ITGB6: variants seen among roughly 807,000 people sequenced by gnomAD.
ITGB6 encodes integrin subunit beta 6, also known as integrin beta-6.
A neutral mutation model predicts 84.5 loss-of-function variants in ITGB6; 80 were observed. The observed-to-expected ratio is 0.95, with a 90% CI of 0.79 to 1.14. The LOEUF (loss-of-function observed/expected upper bound fraction) is 1.14, where lower values mean the gene tolerates loss of function less well. Among genes scored for constraint, ITGB6 ranks in the 50% most tolerant of loss-of-function variants. ITGB6 has a pLI of 0.00. For synonymous variants in ITGB6, 383 were observed against 354.9 expected, an observed-to-expected ratio of 1.08 and a Z score of -0.89; for missense variants, 1,006 against 968.0, an observed-to-expected ratio of 1.04 and a Z score of -0.52.
intron 8 of ITGB6, 41 bp downstream of exon 8, chr2:160,141,941 C>A (rs369702005): frequency 6.2e-6 from 8 of 1,281,608 alleles, no homozygotes; most frequent in Non-Finnish European, 9.0e-6. Context: ...TTTTGAATAC[C>A]AAAGAAATGC....
At position 160,169,314 on chromosome 2, in the gene ITGB6, T is replaced by A; in HGVS notation, c.922-7A>T. The A allele has an allele frequency of 6.9e-7, 1 of 1,448,470 alleles. No homozygotes were observed. The highest frequency in any genetic ancestry group is 9.6e-7 in the Non-Finnish European group (1 of 1,045,212). The allele number at this position is 1,448,470 out of a possible 1,614,324, so 89.7% of individuals were successfully genotyped here. On this transcript the variant is annotated splice_polypyrimidine_tract_variant and splice_region_variant and intron_variant, in intron 6 of 14. Transcript: ENST00000283249. ...GTCCAATTGTTGGATATTCCTAAAA[T>A]TAACATATATAATTTTGCATCATCT...
intron 7 of ITGB6, among the ~76,000 whole-genome samples, chr2:160,152,408 T>G (rs1055626723): frequency 6.6e-6 from 1 of 152,182 alleles, no homozygotes; most frequent in African/African-American, 2.4e-5. Flanking sequence ...CCCTTCATGC[T>G]AAAAACTCTC....
intron 7 of ITGB6, among the ~76,000 whole-genome samples, chr2:160,153,881 A>T (rs1329881087): frequency 6.6e-6 from 1 of 152,230 alleles, no homozygotes. Flanking sequence ...AACCACAATG[A>T]GATACCATCT....
At chr2:160,186,706 G>A (rs994061091) in intron 4 of ITGB6, among the ~76,000 whole-genome samples, 1 of 152,074 alleles carries the variant, frequency 6.6e-6, no homozygotes, top group Non-Finnish European at 1.5e-5. Context: ...CAAACACTTG[G>A]AACCAACCCA....
At chr2:160,119,463 A>T (rs895140487) in intron 12 of ITGB6, among the ~76,000 whole-genome samples, 1 of 152,178 alleles carries the variant, frequency 6.6e-6, no homozygotes, top group Middle Eastern at 3.4e-3. Flanking sequence ...GGCTAGCCAT[A>T]TGTAGAAAGC....
intron 6 of ITGB6, among the ~76,000 whole-genome samples, chr2:160,171,968 C>T (rs1685222217): frequency 1.3e-5 from 2 of 152,184 alleles, no homozygotes; most frequent in South Asian, 4.1e-4. Flanking sequence ...ATAGCAGCCT[C>T]ATGGTCTGTT....
At chr2:160,194,120 G>A (rs1303986379) in intron 4 of ITGB6, among the ~76,000 whole-genome samples, 5 of 152,150 alleles carry the variant, frequency 3.3e-5, no homozygotes, top group African/African-American at 1.2e-4. Flanking sequence ...TCATGCCACA[G>A]CACTCTGGCC....
intron 7 of ITGB6, among the ~76,000 whole-genome samples, chr2:160,158,397 G>A (rs1252600149): frequency 6.6e-6 from 1 of 152,204 alleles, no homozygotes; most frequent in Non-Finnish European, 1.5e-5. Context: ...GTGCATGACT[G>A]TTCTGAGACA....
intron 6 of ITGB6, among the ~76,000 whole-genome samples, chr2:160,171,012 G>A (rs1685178606): frequency 6.6e-6 from 1 of 152,184 alleles, no homozygotes; most frequent in East Asian, 1.9e-4. Context: ...AAAAGGCAGA[G>A]TATGTGATTA....
At chr2:160,123,319 G>T (rs1574054937) in intron 12 of ITGB6, among the ~76,000 whole-genome samples, 1 of 152,246 alleles carries the variant, frequency 6.6e-6, no homozygotes, top group East Asian at 1.9e-4. Context: ...GTATATGGAG[G>T]AGAGGAAAAA....
At chr2:160,186,407 C>G (rs896465715) in intron 4 of ITGB6, among the ~76,000 whole-genome samples, 1 of 151,964 alleles carries the variant, frequency 6.6e-6, no homozygotes, top group Admixed American at 6.6e-5. Flanking sequence ...AAATCAAAAC[C>G]ACAATGAGAT....
At chr2:160,152,198 A>G (rs994593674) in intron 7 of ITGB6, among the ~76,000 whole-genome samples, 3 of 152,244 alleles carry the variant, frequency 2.0e-5, no homozygotes, top group East Asian at 1.9e-4. Flanking sequence ...AAAATCCTCA[A>G]TAAAATACTG....
chr2:160,133,520 T>C (rs998032324), intron 10 of ITGB6, among the ~76,000 whole-genome samples: 1 of 151,920 alleles, frequency 6.6e-6, no homozygotes, highest in Non-Finnish European at 1.5e-5. Flanking sequence ...AGCAAGGATA[T>C]CCAGGAATTG....
At chr2:160,150,350 C>A (rs1684365660) in intron 7 of ITGB6, among the ~76,000 whole-genome samples, 1 of 152,124 alleles carries the variant, frequency 6.6e-6, no homozygotes, top group African/African-American at 2.4e-5. Context: ...TCATATCCAG[C>A]CAAACTAAGC....
chr2:160,146,734 C>T (rs1684208137), intron 7 of ITGB6, among the ~76,000 whole-genome samples: 1 of 151,888 alleles, frequency 6.6e-6, no homozygotes, highest in Non-Finnish European at 1.5e-5. Flanking sequence ...ACAGAGTGTG[C>T]CAGTAATAAA....
At chr2:160,115,298 C>T (rs539820611) in intron 12 of ITGB6, among the ~76,000 whole-genome samples, 12 of 152,318 alleles carry the variant, frequency 7.9e-5, no homozygotes, top group African/African-American at 2.9e-4. Flanking sequence ...TGAGGCAAAA[C>T]TTCCAGAGGA....
intron 12 of ITGB6, among the ~76,000 whole-genome samples, chr2:160,114,020 T>C (rs189575348): frequency 1.3e-4 from 20 of 152,322 alleles, no homozygotes; most frequent in African/African-American, 4.8e-4. Context: ...TGGTAGGAAA[T>C]ATGTGAGTGG....
Position 160,117,417 on chromosome 2 carries a change from G to A in ITGB6, c.1982-5218C>T, listed in dbSNP as rs574602593. 5.3e-5 allele frequency among the ~76,000 whole-genome samples: 8 copies of A among 152,080 alleles called. No homozygotes were observed. In the South Asian group the frequency reaches 1.5e-3, roughly 28 times the overall value. On this transcript the variant is annotated intron_variant, in intron 12 of 14. Transcript: ENST00000283249. ...AACAACCTGCTCCTGAATGACTACT[G>A]GGTACATAACGAAATGAAGGCAGAA...
intron 7 of ITGB6, among the ~76,000 whole-genome samples, chr2:160,155,295 GT>G (rs1282151032): frequency 6.6e-6 from 1 of 152,206 alleles, no homozygotes; most frequent in African/African-American, 2.4e-5. Flanking sequence ...GTTGCCAGAG[GT>G]TGGGGGCCAG....
Sources: gnomAD v4.1 joint callset for allele counts (sites outside exome capture counted in the v4.1 genomes callset) on GRCh38, gnomAD v4.1.1 for gene constraint, MANE v1.5 for transcripts, NCBI Gene and HGNC (gene_info 2026-07-23, HGNC 2026-07-21) for gene names.